Variants in MIA2 observed in about 807,000 individuals in gnomAD.
MIA2 encodes MIA SH3 domain ER export factor 2.
In MIA2, 127 loss-of-function variants were observed where a neutral mutation model predicts 167.8. The ratio of observed to expected loss-of-function variants is 0.76; its 90% confidence interval spans 0.66 to 0.88. The LOEUF (loss-of-function observed/expected upper bound fraction) is 0.88, where lower values mean the gene tolerates loss of function less well. Ranked by LOEUF, MIA2 falls within the 40% of genes least tolerant of loss-of-function variation. MIA2 has a pLI of 0.00. For missense variants in MIA2, 1,690 were observed against 1,624.7 expected, an observed-to-expected ratio of 1.04 and a Z score of -0.69; for synonymous variants, 552 against 541.9, an observed-to-expected ratio of 1.02 and a Z score of -0.26.
intron 24 of MIA2, among the ~76,000 whole-genome samples, chr14:39,322,642 T>C (rs1423414204): frequency 6.6e-6 from 1 of 152,018 alleles, no homozygotes; most frequent in Non-Finnish European, 1.5e-5. Context: ...ATTCTACATT[T>C]ATCTCATCAG....
At chr14:39,385,945 C>T (rs2075266761) in intron 23 of MIA2, 1 of 825,276 alleles carries the variant, frequency 1.2e-6, no homozygotes, top group Non-Finnish European at 2.1e-6. Flanking sequence ...GAGAGACACA[C>T]TGAGAGGAGG....
At position 39,345,417 on chromosome 14, in the gene MIA2, A is replaced by G. The variant is rs572154820; in HGVS notation, c.3656-487A>G. Among the ~76,000 whole-genome samples, 9 of 152,292 alleles carry G rather than the reference A, an allele frequency of 5.9e-5. No homozygotes were observed. The South Asian group carries it at 6.2e-4, about 11-fold the overall frequency. On this transcript the variant is annotated intron_variant, in intron 25 of 28. Transcript: ENST00000640607. ...ATAGATACTAAATTCCAAAACGTCA[A>G]TATTACTGAAAGTTTGACAATGATG...
chr14:39,340,860 A>C lies in MIA2; in HGVS notation c.3656-5044A>C, dbSNP rs80149909. Among the ~76,000 whole-genome samples, 1,493 of 152,298 alleles carry C rather than the reference A, an allele frequency of 9.8e-3. 23 individuals are homozygous for C. Among genetic ancestry groups the C allele is most frequent in the African/African-American group, 0.033 (1,374 of 41,556 alleles). On this transcript the variant is annotated intron_variant, in intron 25 of 28. Transcript: ENST00000640607. Reference sequence around the variant, plus strand: ...GTATGTGTTTTTATAAACTTTAAAAATCTGTGTTTAATTTGTCAGTCTTCC... The same window carrying C: ...GTATGTGTTTTTATAAACTTTAAAACTCTGTGTTTAATTTGTCAGTCTTCC...
chr14:39,242,091 T>C (rs143932573), intron 3 of MIA2, among the ~76,000 whole-genome samples: 195 of 152,350 alleles, frequency 1.3e-3, no homozygotes, highest in African/African-American at 4.3e-3. Flanking sequence ...TGTTTTAATA[T>C]CTGGATTGTG....
rs138478920 is a variant in MIA2, at chr14:39,279,624, T to G, written c.2130+87T>G. 382 of 831,180 alleles carry G rather than the reference T, an allele frequency of 4.6e-4. 1 individual carries two copies. The East Asian group carries it at 8.0e-3, about 17-fold the overall frequency. The allele number at this position is 831,180 out of a possible 1,614,324, so 51.5% of individuals were successfully genotyped here. A position where few individuals can be genotyped will look rare whatever the true frequency, so the allele number is the denominator to read the frequency against. On this transcript the variant is annotated intron_variant, in intron 9 of 28. Transcript: ENST00000640607. ...AGGTACTTCTGTGTAAATTTAAGATTATGAATGCTTTGTTTGCAGAGTATG... is the reference window on the plus strand; with the variant it reads ...AGGTACTTCTGTGTAAATTTAAGATGATGAATGCTTTGTTTGCAGAGTATG...
In MIA2 at chr14:39,318,857, C is replaced by T. The variant is rs536468097; in HGVS notation, c.3285-352C>T. Among the ~76,000 whole-genome samples, 10 of 152,128 alleles carry T rather than the reference C, an allele frequency of 6.6e-5. No individual in the cohort carries two copies. The South Asian group carries it at 1.9e-3, about 28-fold the overall frequency. On this transcript the variant is annotated intron_variant, in intron 22 of 28. Coordinates refer to ENST00000640607, the MANE Select transcript of MIA2 (RefSeq NM_001329214.4). Reference sequence around the variant, plus strand: ...TGTGAATAAATATTTAAACTCCTAGCCTCAGTTTCCTTAGTTGTAAAATGA... The same window carrying T: ...TGTGAATAAATATTTAAACTCCTAGTCTCAGTTTCCTTAGTTGTAAAATGA...
At chr14:39,387,078 G>C in exon 24 of MIA2, 1 of 647,612 alleles carries the variant, frequency 1.5e-6, no homozygotes, top group Non-Finnish European at 2.7e-6. Context: ...TGAAGCCTTG[G>C]CCTAACTGTC....
At chr14:39,355,587 G>A (rs537352585), downstream of MIA2, among the ~76,000 whole-genome samples, 41 of 152,124 alleles carry the variant, frequency 2.7e-4, no homozygotes, top group East Asian at 2.7e-3. Context: ...TTCGAACACT[G>A]TGTTGAATAG....
At chr14:39,314,038 C>T (rs753274615) in intron 19 of MIA2, among the ~76,000 whole-genome samples, 15 of 152,226 alleles carry the variant, frequency 9.9e-5, no homozygotes, top group Non-Finnish European at 1.9e-4. Context: ...CACAAAAGTA[C>T]CAAGTAACAT....
chr14:39,256,867 C>A (rs1159527561), intron 6 of MIA2, among the ~76,000 whole-genome samples: 1 of 152,158 alleles, frequency 6.6e-6, no homozygotes, highest in Non-Finnish European at 1.5e-5. Flanking sequence ...AGCAACAATT[C>A]AAGAAATTTT....
intron 18 of MIA2, among the ~76,000 whole-genome samples, chr14:39,312,707 C>T (rs985997685): frequency 2.0e-5 from 3 of 151,450 alleles, no homozygotes; most frequent in African/African-American, 7.3e-5. Context: ...GATGGGATAA[C>T]AGTACCACCC....
intron 23 of MIA2, chr14:39,385,357 C>T: frequency 2.1e-6 from 2 of 936,096 alleles, no homozygotes; most frequent in South Asian, 1.4e-5. Flanking sequence ...CTCACTTGCA[C>T]AAACAAGACA....
In MIA2 at chr14:39,357,057, A is replaced by G. The variant is rs1214661895; in HGVS notation, c.2248+8080A>G. ...AATTCGGGTGGAGAGTTCTGTAGAT[A>G]TCTATTAGGTCCACTTGGTGCAGAG... On this transcript the variant is annotated intron_variant, in intron 23 of 23. Transcript: ENST00000341502. Among the ~76,000 whole-genome samples the G allele has an allele frequency of 5.9e-5, 9 of 152,124 alleles. No homozygotes were observed. The South Asian group carries it at 1.0e-3, about 17-fold the overall frequency.
At chr14:39,263,932 G>A (rs191706804) in intron 6 of MIA2, among the ~76,000 whole-genome samples, 1 of 152,008 alleles carries the variant, frequency 6.6e-6, no homozygotes, top group African/African-American at 2.4e-5. Context: ...ACCACGCCCA[G>A]CCCTTCCTTT....
At chr14:39,358,885 A>G (rs185877761) in intron 23 of MIA2, among the ~76,000 whole-genome samples, 4 of 152,294 alleles carry the variant, frequency 2.6e-5, no homozygotes, top group Non-Finnish European at 5.9e-5. Context: ...TGAACAGCCA[A>G]TGTTGCTGCC....
intron 13 of MIA2, among the ~76,000 whole-genome samples, chr14:39,296,282 A>G (rs2061410707): frequency 6.6e-6 from 1 of 151,896 alleles, no homozygotes; most frequent in South Asian, 2.1e-4. Flanking sequence ...CTTGTTTCTC[A>G]TACTTGTTGA....
At chr14:39,328,313 G>T (rs927633181) in intron 25 of MIA2, among the ~76,000 whole-genome samples, 8 of 152,076 alleles carry the variant, frequency 5.3e-5, no homozygotes, top group Non-Finnish European at 1.2e-4. Flanking sequence ...TTTTGTTGGG[G>T]TTGTTTGCTT....
intron 23 of MIA2, among the ~76,000 whole-genome samples, chr14:39,359,369 T>C (rs187509508): frequency 1.0e-3 from 157 of 152,346 alleles, no homozygotes; most frequent in African/African-American, 3.6e-3. Flanking sequence ...GGATATAATC[T>C]TCTGGTGTGC....
intron 6 of MIA2, among the ~76,000 whole-genome samples, chr14:39,273,547 C>T (rs970451619): frequency 6.6e-6 from 1 of 151,886 alleles, no homozygotes; most frequent in Non-Finnish European, 1.5e-5. Context: ...GACTATGAAA[C>T]GGTGCTAGAT....
Sources: allele counts gnomAD v4.1 joint callset (sites outside exome capture counted in the v4.1 genomes callset), GRCh38; gene constraint gnomAD v4.1.1; transcripts MANE v1.5; gene names NCBI Gene and HGNC (gene_info 2026-07-23, HGNC 2026-07-21).